Variants in CATSPER2 observed in about 807,000 individuals in gnomAD.
CATSPER2 encodes cation channel sperm associated 2.
Under a neutral mutation model 68.8 loss-of-function variants are expected in CATSPER2, and 56 were observed. The ratio of observed to expected loss-of-function variants is 0.81; its 90% CI spans 0.66 to 1.02. The LOEUF (loss-of-function observed/expected upper bound fraction) is 1.02, where lower values mean the gene tolerates loss of function less well. CATSPER2 is among the 50% of genes least tolerant of loss of function. The probability of loss-of-function intolerance (pLI) is 0.00; values close to 1 mark genes in which losing one functional copy is unlikely to be tolerated. For synonymous variants in CATSPER2, 198 were observed against 229.9 expected (o/e 0.86, Z 1.26); for missense variants, 582 against 642.0 (o/e 0.91, Z 1.01).
In CATSPER2 at chr15:43,648,001, G is replaced by T. The variant is rs758968785; in HGVS notation, c.61C>A (p.Arg21Ser). 1.1e-5 allele frequency: 18 copies of T among 1,613,516 alleles called. No individual in the cohort carries two copies. Among genetic ancestry groups the T allele is most frequent in the Non-Finnish European group, 1.5e-5 (18 of 1,179,706 alleles). The change falls in exon 2 of 13, where the codon CGT (arginine) becomes AGT (serine). Residue 21 changes from arginine (R) to serine (S), a missense_variant. Arg to Ser is a moderately radical substitution (Grantham distance 110). Transcript: ENST00000396879. ...ATGAGAGAGAAAGTATCGATGAGAC[G>T]TGAACGAATGGCATCAGCTCGGGGA... is the stretch of plus-strand genomic sequence containing the variant. ...QLPRADAIRS[R>S]LIDTFSLIEH...
chr15:43,637,838 A>T (rs1298448126), intron 7 of CATSPER2: 1 of 151,942 alleles, frequency 6.6e-6, no homozygotes, highest in Non-Finnish European at 1.5e-5. Flanking sequence ...AATCATAGTA[A>T]CATTAATTGA....
In CATSPER2 at chr15:43,647,050, C is replaced by T; in HGVS notation, c.388G>A (p.Glu130Lys). The T allele has an allele frequency of 6.2e-7, 1 of 1,610,766 alleles. No individual in the cohort carries two copies. Among genetic ancestry groups the T allele is most frequent in the Non-Finnish European group, 8.5e-7 (1 of 1,177,112 alleles). ...LNTIILMVEI[E>K]LLESTNTKLW... ...TCTTTCATACAAGGTCAGTTCTCAC[C>T]TATTTCAACCATCAATATGATCGTA... Residue 130 changes from glutamate to lysine, a missense_variant and splice_region_variant, in exon 4 of 13, where the codon GAA becomes AAA. Around this residue, in one of 5 missense-constraint regions of CATSPER2, gnomAD observed 197 missense variants for 191.0 expected, o/e 1.03. Transcript: ENST00000396879.
rs1186331581 is a variant in CATSPER2 at position 43,638,954 on chromosome 15, T to C, written c.792A>G (p.Ser264=). 2 of 1,613,254 alleles carry C rather than the reference T, an allele frequency of 1.2e-6. No homozygotes were observed. The highest frequency in any genetic ancestry group is 1.1e-5 in the South Asian group (1 of 91,032). The change falls in exon 7 of 13, where the codon TCA becomes TCG. Residue 264 remains serine (S), a synonymous_variant. Coordinates refer to ENST00000396879, the MANE Select transcript of CATSPER2 (RefSeq NM_172095.4). ...CCTGACGAGGTGAACGGGTGTACTC[T>C]GAGAAGACGTAGACACCAGTCACAG... is the stretch of plus-strand genomic sequence containing the variant. ...IFAVTGVYVF[S]EYTRSPRQDL... is the part of the protein sequence containing the mutation.
Position 43,648,031 on chromosome 15 carries a change from G to T in CATSPER2, c.31C>A (p.Gln11Lys), listed in dbSNP as rs749440567. MAAYQQEEQM[Q>K]LPRADAIRSR... ...CGAATGGCATCAGCTCGGGGAAGCTGCATCTGCTCTTCTTGTTGGTAAGCG... is the reference window on the plus strand; with the variant it reads ...CGAATGGCATCAGCTCGGGGAAGCTTCATCTGCTCTTCTTGTTGGTAAGCG... Residue 11 changes from glutamine (Q) to lysine (K), a missense_variant, in exon 2 of 13, where the codon CAG becomes AAG. Coordinates refer to ENST00000396879, the MANE Select transcript of CATSPER2 (RefSeq NM_172095.4). The T allele has an allele frequency of 1.9e-6, 3 of 1,613,520 alleles. No homozygotes were observed. Among genetic ancestry groups the T allele is most frequent in the Non-Finnish European group, 1.7e-6 (2 of 1,179,714 alleles).
rs373436833 is a variant in CATSPER2 at position 43,632,954 on chromosome 15, G to A, written c.1179-20C>T. The A allele has an allele frequency of 3.8e-6, 6 of 1,569,716 alleles. No homozygotes were observed. Among genetic ancestry groups the A allele is most frequent in the Non-Finnish European group, 5.2e-6 (6 of 1,144,498 alleles). On this transcript the variant is annotated intron_variant, in intron 10 of 12. Transcript: ENST00000396879. ...CTTGAACTTAAAGAAGAAATTTATG[G>A]CTTCACAAACATTTACAAGATATGA...
In CATSPER2 at chr15:43,647,412, GAA is replaced by G. The variant is rs771771311; in HGVS notation, c.199_200del (p.Phe67LeufsTer39). The G allele has an allele frequency of 3.5e-5, 56 of 1,613,468 alleles. 1 individual carries two copies. The Middle Eastern group carries it at 4.8e-3, about 137-fold the overall frequency. ...GTTCTATACGCTGAGGCTTTATAGA[GAA>G]ACGCACTAGCTGGTGTTGATCTCCC... ...VLGDQHQLVR[F>X]SIKPQRIEQI... On this transcript the variant is annotated frameshift_variant, in exon 3 of 13. Coordinates refer to ENST00000396879, the MANE Select transcript of CATSPER2 (RefSeq NM_172095.4). LOFTEE classifies it high-confidence loss of function.
At chr15:43,642,919 T>C (rs1168952632) in intron 4 of CATSPER2, 1 of 151,948 alleles carries the variant, frequency 6.6e-6, no homozygotes, top group Non-Finnish European at 1.5e-5. Context: ...CAGGCTGCTA[T>C]AGCAAGGCAA....
intron 12 of CATSPER2, among the ~76,000 whole-genome samples, chr15:43,631,929 T>C (rs2085878563): frequency 6.6e-6 from 1 of 151,984 alleles, no homozygotes; most frequent in Non-Finnish European, 1.5e-5. Context: ...GACTTTCTCT[T>C]CTTGGGAAAT....
chr15:43,637,859 T>C (rs891263405), intron 7 of CATSPER2: 10 of 152,084 alleles, frequency 6.6e-5, no homozygotes, highest in African/African-American at 1.2e-4. Context: ...TCACTTATAA[T>C]GTGTTACATA....
rs1333985678 is a variant in CATSPER2 at position 43,638,801 on chromosome 15, C to T, written c.842+103G>A. The T allele has an allele frequency of 3.6e-6, 5 of 1,378,236 alleles. No homozygotes were observed. In the Admixed American group the frequency reaches 6.9e-5, roughly 19 times the overall value. 85.4% of individuals were successfully genotyped at this position (1,378,236 alleles called of 1,614,324 possible). On this transcript the variant is annotated intron_variant, in intron 7 of 12. Coordinates refer to ENST00000396879, the MANE Select transcript of CATSPER2 (RefSeq NM_172095.4). ...TCCCTATTGTGTTCTATTTCAGTTT[C>T]TTGGAATAGACTGCACTTTTTATAT...
rs2086019312 is a variant in CATSPER2 at position 43,638,989 on chromosome 15, AG to A, written c.756del (p.Tyr253ThrfsTer5). The part of the protein sequence containing the change: ...TFLLMLLLIF[F>X]YIFAVTGVYV... ...TAGACACCAGTCACAGCAAAAATGT[AG>A]AAGAAGATGAGCAGCAACATCAAGA... On this transcript the variant is annotated frameshift_variant, in exon 7 of 13. Coordinates refer to ENST00000396879, the MANE Select transcript of CATSPER2 (RefSeq NM_172095.4). LOFTEE classifies it high-confidence loss of function. 3.1e-6 allele frequency: 5 copies of A among 1,612,934 alleles called. No individual in the cohort carries two copies. Among genetic ancestry groups the A allele is most frequent in the Non-Finnish European group, 4.2e-6 (5 of 1,179,428 alleles).
At chr15:43,641,483 TA>T (rs1299220716) in intron 4 of CATSPER2, among the ~76,000 whole-genome samples, 1 of 151,182 alleles carries the variant, frequency 6.6e-6, no homozygotes, top group Non-Finnish European at 1.5e-5. Flanking sequence ...TCATCTCTTT[TA>T]TACAATGAAT....
intron 11 of CATSPER2, 107 bp downstream of exon 11, chr15:43,632,610 A>T: frequency 6.3e-7 from 1 of 1,589,814 alleles, no homozygotes. Flanking sequence ...AAGACCAGAA[A>T]ATTGGAAAGG....
At position 43,645,094 on chromosome 15, in the gene CATSPER2, T is replaced by G. The variant is rs182582374; in HGVS notation, c.388+1956A>C. ...ATTTTTTTGAGACAGGGTCTCACTT[T>G]GTCACCTAGGCTGGAGTTCCGTTGC... On this transcript the variant is annotated intron_variant, in intron 4 of 12. Transcript: ENST00000396879. Among the ~76,000 whole-genome samples the G allele has an allele frequency of 1.1e-3, 173 of 152,046 alleles. 1 individual carries two copies. The highest frequency in any genetic ancestry group is 4.0e-3 in the African/African-American group (164 of 41,484).
At position 43,635,436 on chromosome 15, in the gene CATSPER2, A is replaced by G. The variant is rs749483826; in HGVS notation, c.1122-20T>C. 1 of 1,603,430 alleles carries G rather than the reference A, an allele frequency of 6.2e-7. No individual in the cohort carries two copies. Among genetic ancestry groups the G allele is most frequent in the Non-Finnish European group, 8.5e-7 (1 of 1,175,790 alleles). On this transcript the variant is annotated intron_variant, in intron 9 of 12. Transcript: ENST00000396879. ...TTTCTCCTGCAGAGCAAAAAAAAAA[A>G]AGAGCAAAGACAGTTATATTCAAGC...
intron 10 of CATSPER2, 199 bp from the exon 11 acceptor site, chr15:43,633,133 T>C (rs1228346882): frequency 3.6e-6 from 3 of 830,978 alleles, no homozygotes; most frequent in South Asian, 1.8e-5. Context: ...CCCTCCCATA[T>C]CCAGTCCATC....
In CATSPER2 at chr15:43,647,973, T is replaced by C; in HGVS notation, c.89A>G (p.Glu30Gly). ...AGCTTGGCTCAAGCCTTGCAAATGC[T>C]CAATGAGAGAGAAAGTATCGATGAG... ...SRLIDTFSLIEHLQGLSQAVP... is the reference protein window; with the variant it reads ...SRLIDTFSLIGHLQGLSQAVP... The change falls in exon 2 of 13, where the codon GAG becomes GGG. Residue 30 changes from glutamate (E) to glycine (G), a missense_variant. Physicochemically the swap from Glu to Gly is moderately conservative, Grantham distance 98. This residue lies in a region of CATSPER2 where 197 missense variants were observed against 191.0 expected (regional missense o/e 1.03). Coordinates refer to ENST00000396879, the MANE Select transcript of CATSPER2 (RefSeq NM_172095.4). 1.2e-6 allele frequency: 2 copies of C among 1,613,704 alleles called. No individual in the cohort carries two copies. The highest frequency in any genetic ancestry group is 1.7e-6 in the Non-Finnish European group (2 of 1,179,802).
Position 43,632,735 on chromosome 15 carries a change from T to C in CATSPER2, c.1378A>G (p.Arg460Gly), listed in dbSNP as rs772578660. Residue 460 changes from arginine to glycine, a missense_variant, in exon 11 of 13, where the codon AGA (arginine) becomes GGA (glycine). This residue lies in a region of CATSPER2 where 235 missense variants were observed against 264.2 expected (regional missense o/e 0.89). Transcript: ENST00000396879. ...SSSYSSSSES[R>G]FSESIGRLDW... ...GGCTCACCAATAGATTCAGAAAATC[T>C]GGATTCAGAAGAGGAAGAATAGGAA... 1.2e-6 allele frequency: 2 copies of C among 1,613,650 alleles called. No individual in the cohort carries two copies. Among genetic ancestry groups the C allele is most frequent in the African/African-American group, 1.3e-5 (1 of 74,958 alleles).
chr15:43,632,802 C>CT lies in CATSPER2; in HGVS notation c.1310dup (p.Arg438GlufsTer21). ...CACAGGAGGAAGACTGGTACTCTCT[C>CT]TTTTTTGACAAGGTCTCTTCTGTTT... On this transcript the variant is annotated frameshift_variant, in exon 11 of 13. Transcript: ENST00000396879. LOFTEE classifies it high-confidence loss of function. 6.2e-7 allele frequency: 1 copy of CT among 1,613,604 alleles called. No individual in the cohort carries two copies. Among genetic ancestry groups the CT allele is most frequent in the Non-Finnish European group, 8.5e-7 (1 of 1,179,780 alleles).
Sources: gnomAD v4.1 joint callset for allele counts (sites outside exome capture counted in the v4.1 genomes callset) on GRCh38, gnomAD v4.1.1 for gene constraint, gnomAD v4.1.1 regional missense constraint, MANE v1.5 for transcripts, NCBI Gene and HGNC (gene_info 2026-07-23, HGNC 2026-07-21) for gene names.